NUP42: variants seen among roughly 807,000 people sequenced by gnomAD.
The protein encoded by NUP42 is nucleoporin NUP42.
NUP42 carries 47 observed loss-of-function variants against 35.9 expected under a neutral mutation model. The ratio of observed to expected loss-of-function variants is 1.31; its 90% CI spans 1.04 to 1.67. The LOEUF is 1.67. Ranked by LOEUF, NUP42 falls within the 40% of genes most tolerant of loss-of-function variation. NUP42 has a pLI of 0.00. For synonymous variants in NUP42, 173 were observed against 173.3 expected (o/e 1.00, Z 0.01); for missense variants, 514 against 492.2 (o/e 1.04, Z -0.42).
intron 2 of NUP42, among the ~76,000 whole-genome samples, chr7:23,186,771 G>T (rs1785609289): frequency 6.6e-6 from 1 of 151,912 alleles, no homozygotes; most frequent in Non-Finnish European, 1.5e-5. Context: ...CATATGATAT[G>T]GTTACATATC....
At chr7:23,192,559 A>G (rs980831949) in intron 3 of NUP42, among the ~76,000 whole-genome samples, 3 of 151,768 alleles carry the variant, frequency 2.0e-5, no homozygotes, top group East Asian at 1.9e-4. Flanking sequence ...AAAAAAAAAA[A>G]AAAAGAAAAA....
intron 5 of NUP42, 120 bp from the exon 6 acceptor site, chr7:23,199,338 C>A (rs1345726439): frequency 2.6e-6 from 2 of 763,826 alleles, no homozygotes; most frequent in African/African-American, 1.7e-5. Context: ...AGGTGTGAGC[C>A]ACCACACCCA....
chr7:23,189,050 A>C (rs1637223), intron 3 of NUP42, among the ~76,000 whole-genome samples: 13,851 of 152,270 alleles, frequency 0.091, 988 homozygotes, highest in African/African-American at 0.19. Context: ...GAAGCACACA[A>C]AAAGTGTGTC....
At position 23,182,128 on chromosome 7, in the gene NUP42, G is replaced by A. The variant is rs762887774; in HGVS notation, c.43G>A (p.Gly15Arg). 3 of 1,614,102 alleles carry A rather than the reference G, an allele frequency of 1.9e-6. No homozygotes were observed. In the East Asian group the frequency reaches 6.7e-5, roughly 36 times the overall value. Reference protein sequence around the residue: ...QFFLQGRCRFGDRCWNEHPGA... With the variant: ...QFFLQGRCRFRDRCWNEHPGA... ...CTTCCTTCAAGGCCGGTGCCGCTTT[G>A]GAGATCGGTGCTGGAACGAACATCC... is the stretch of plus-strand genomic sequence containing the variant. The change falls in exon 1 of 7, where the codon GGA becomes AGA. Residue 15 changes from glycine to arginine, a missense_variant. By Grantham distance (125) the Gly-to-Arg change is moderately radical. Transcript: ENST00000258742.
At chr7:23,196,253 A>G (rs1019581383) in intron 4 of NUP42, 3 of 196,478 alleles carry the variant, frequency 1.5e-5, no homozygotes, top group Admixed American at 5.8e-5. Context: ...GTTAAATAAG[A>G]TACAGTCTGT....
At chr7:23,186,194 T>C (rs1486886750) in intron 2 of NUP42, among the ~76,000 whole-genome samples, 5 of 152,242 alleles carry the variant, frequency 3.3e-5, no homozygotes, top group Non-Finnish European at 7.3e-5. Flanking sequence ...TGCTTGGCTA[T>C]CTGTAATGTT....
intron 5 of NUP42, chr7:23,198,071 AC>A (rs1239803259): frequency 1.3e-5 from 2 of 151,858 alleles, no homozygotes; most frequent in Non-Finnish European, 1.5e-5. Flanking sequence ...ACATGGTGAA[AC>A]CCGGTCTCTA....
chr7:23,183,770 AAAAAAAAAGG>A (rs948448654), intron 1 of NUP42, among the ~76,000 whole-genome samples: 1 of 151,126 alleles, frequency 6.6e-6, no homozygotes, highest in African/African-American at 2.4e-5. Flanking sequence ...AAAAAAAAAA[AAAAAAAAAGG>A]AGGAAGTGAG....
At chr7:23,196,861 T>G in intron 5 of NUP42, 95 bp downstream of exon 5, 3 of 825,060 alleles carry the variant, frequency 3.6e-6, no homozygotes, top group Non-Finnish European at 5.9e-6. Flanking sequence ...AAACAAAAAT[T>G]TTCTATCAAG....
intron 3 of NUP42, among the ~76,000 whole-genome samples, chr7:23,189,849 C>T (rs1785729205): frequency 6.9e-6 from 1 of 144,892 alleles, no homozygotes; most frequent in African/African-American, 2.6e-5. Flanking sequence ...GGAGGCGGAG[C>T]TTGCAGTGAG....
chr7:23,187,219 TAAAG>T (rs906271705), intron 3 of NUP42, 73 bp downstream of exon 3: 4 of 1,046,164 alleles, frequency 3.8e-6, no homozygotes, highest in Non-Finnish European at 5.8e-6. Context: ...GAATGCCAAA[TAAAG>T]AAATCAACTA....
chr7:23,184,315 A>G (rs1487306792), intron 1 of NUP42, among the ~76,000 whole-genome samples: 2 of 152,208 alleles, frequency 1.3e-5, no homozygotes, highest in African/African-American at 4.8e-5. Context: ...TTCATATTCG[A>G]GAAACTTTAA....
intron 6 of NUP42, 85 bp from the exon 7 acceptor site, chr7:23,200,083 A>C (rs1786157280): frequency 2.0e-6 from 2 of 989,298 alleles, no homozygotes; most frequent in Non-Finnish European, 2.9e-6. Flanking sequence ...AATAAGAAAA[A>C]AAGATAGGGG....
chr7:23,182,742 C>CAAAAAAAAAAA (rs60397960), intron 1 of NUP42, among the ~76,000 whole-genome samples: 4 of 74,152 alleles, frequency 5.4e-5, no homozygotes, highest in African/African-American at 1.2e-4. Flanking sequence ...CTAAAAATAC[C>CAAAAAAAAAAA]AAAAAAAAAA....
At chr7:23,195,773 C>A (rs1053378870) in intron 3 of NUP42, 66 bp from the exon 4 acceptor site, 1 of 1,025,164 alleles carries the variant, frequency 9.8e-7, no homozygotes, top group Non-Finnish European at 1.5e-6. Flanking sequence ...TTGTTTAGCA[C>A]CTCTAGCTTT....
chr7:23,197,372 G>A (rs1786049175), intron 5 of NUP42: 1 of 378,468 alleles, frequency 2.6e-6, no homozygotes, highest in Non-Finnish European at 4.8e-6. Context: ...CTCTGTATAA[G>A]GATATGAGAG....
At chr7:23,183,569 C>A (rs1785488890) in intron 1 of NUP42, among the ~76,000 whole-genome samples, 1 of 152,010 alleles carries the variant, frequency 6.6e-6, no homozygotes, top group South Asian at 2.1e-4. Flanking sequence ...ACGTCTGATC[C>A]CACTTCAGGG....
chr7:23,185,506 G>A (rs1408203474), intron 2 of NUP42, among the ~76,000 whole-genome samples: 1 of 152,048 alleles, frequency 6.6e-6, no homozygotes, highest in African/African-American at 2.4e-5. Context: ...CTCTTTTGCT[G>A]TGTATTACCC....
In NUP42 at chr7:23,196,665, G is replaced by C. The variant is rs770562467; in HGVS notation, c.523-15G>C. 1 of 1,567,072 alleles carries C rather than the reference G, an allele frequency of 6.4e-7. No individual in the cohort carries two copies. The highest frequency in any genetic ancestry group is 1.4e-5 in the African/African-American group (1 of 73,624). On this transcript the variant is annotated splice_polypyrimidine_tract_variant and intron_variant, in intron 4 of 6. Coordinates refer to ENST00000258742, the MANE Select transcript of NUP42 (RefSeq NM_007342.3). ...TACAATATTGAACTGTTATTTTTCT[G>C]TCTTCCGTTTTCAGCTAAATTCTGT...
Sources: allele counts gnomAD v4.1 joint callset (sites outside exome capture counted in the v4.1 genomes callset), GRCh38; gene constraint gnomAD v4.1.1; transcripts MANE v1.5; gene names NCBI Gene and HGNC (gene_info 2026-07-23, HGNC 2026-07-21).